Variants in HS3ST5 observed in about 807,000 individuals in gnomAD.
The protein encoded by HS3ST5 is heparan sulfate-glucosamine 3-sulfotransferase 5, also known as heparan sulfate glucosamine 3-O-sulfotransferase 5.
HS3ST5 carries 10 observed loss-of-function variants against 25.4 expected under a neutral mutation model. The ratio of observed to expected loss-of-function variants is 0.39; its 90% CI spans 0.24 to 0.67. HS3ST5 has a LOEUF of 0.67. HS3ST5 is among the 30% of genes least tolerant of loss of function. The probability of loss-of-function intolerance (pLI) is 0.44; values close to 1 mark genes in which losing one functional copy is unlikely to be tolerated. For missense variants in HS3ST5, 324 were observed against 420.7 expected, an observed-to-expected ratio of 0.77 and a Z score of 2.01; for synonymous variants, 170 against 162.4, an observed-to-expected ratio of 1.05 and a Z score of -0.36.
intron 1 of HS3ST5, among the ~76,000 whole-genome samples, chr6:114,317,933 C>T (rs1387534045): frequency 6.6e-6 from 1 of 152,100 alleles, no homozygotes; most frequent in Non-Finnish European, 1.5e-5. Flanking sequence ...GGATGTCCTC[C>T]TTAACATCAC....
chr6:114,210,230 G>C (rs1280974935), intron 2 of HS3ST5, among the ~76,000 whole-genome samples: 1 of 152,140 alleles, frequency 6.6e-6, no homozygotes, highest in African/African-American at 2.4e-5. Flanking sequence ...CCATTCATCT[G>C]TGTGCCCCTC....
At chr6:114,260,353 T>C (rs1282165558) in intron 1 of HS3ST5, among the ~76,000 whole-genome samples, 2 of 152,190 alleles carry the variant, frequency 1.3e-5, no homozygotes, top group Non-Finnish European at 2.9e-5. Context: ...AATTACTGTA[T>C]AAAAATTACA....
At chr6:114,108,362 GTGTAAGTTGCT>G (rs1235692386) in intron 3 of HS3ST5, among the ~76,000 whole-genome samples, 1 of 152,110 alleles carries the variant, frequency 6.6e-6, no homozygotes, top group African/African-American at 2.4e-5. Flanking sequence ...TGCAGCACTG[GTGTAAGTTGCT>G]TGAAATCCAC....
intron 2 of HS3ST5, among the ~76,000 whole-genome samples, chr6:114,214,904 C>T (rs567066677): frequency 6.6e-6 from 1 of 152,276 alleles, no homozygotes; most frequent in East Asian, 1.9e-4. Context: ...CAATAGACCT[C>T]ATGTATCCTG....
At chr6:114,116,142 AGAAGAAAACC>A (rs1306848886) in intron 3 of HS3ST5, 1 of 152,148 alleles carries the variant, frequency 6.6e-6, no homozygotes, top group African/African-American at 2.4e-5. Context: ...TGGCGTTCTC[AGAAGAAAACC>A]AAATGAGATC....
At chr6:114,341,793 G>GCTCC (rs1776889909) in intron 1 of HS3ST5, among the ~76,000 whole-genome samples, 1 of 152,064 alleles carries the variant, frequency 6.6e-6, no homozygotes, top group Admixed American at 6.5e-5. Flanking sequence ...GCTCCAAACA[G>GCTCC]CTCCACAGCC....
chr6:114,193,359 A>T (rs1716338832), intron 2 of HS3ST5, among the ~76,000 whole-genome samples: 2 of 152,208 alleles, frequency 1.3e-5, no homozygotes, highest in African/African-American at 4.8e-5. Context: ...ATTTTGAAGG[A>T]TATGTAGCAA....
At chr6:114,215,382 C>A (rs1781706546) in intron 2 of HS3ST5, among the ~76,000 whole-genome samples, 1 of 152,014 alleles carries the variant, frequency 6.6e-6, no homozygotes, top group African/African-American at 2.4e-5. Flanking sequence ...TGCATGGGAC[C>A]CCGAACCCTG....
chr6:114,219,637 T>G (rs1350251645), intron 2 of HS3ST5, among the ~76,000 whole-genome samples: 1 of 152,178 alleles, frequency 6.6e-6, no homozygotes, highest in Non-Finnish European at 1.5e-5. Flanking sequence ...CTTTGTATTT[T>G]TTAAGCATTT....
chr6:114,080,245 A>T (rs563099134), intron 3 of HS3ST5, among the ~76,000 whole-genome samples: 1 of 152,238 alleles, frequency 6.6e-6, no homozygotes. Context: ...GTCAGTGAAC[A>T]GTAATCTTTT....
chr6:114,131,958 T>C (rs926406299), intron 3 of HS3ST5: 1 of 152,184 alleles, frequency 6.6e-6, no homozygotes, highest in Non-Finnish European at 1.5e-5. Context: ...AATATGTTTT[T>C]CCTTCAATTT....
intron 3 of HS3ST5, among the ~76,000 whole-genome samples, chr6:114,145,878 A>C (rs928899188): frequency 6.6e-6 from 1 of 152,130 alleles, no homozygotes; most frequent in Admixed American, 6.5e-5. Context: ...GAATTTAAAG[A>C]ATTTGTGGTA....
intron 3 of HS3ST5, among the ~76,000 whole-genome samples, chr6:114,105,212 G>C (rs148981402): frequency 6.6e-6 from 1 of 152,166 alleles, no homozygotes. Flanking sequence ...CTTCAGGAGC[G>C]CTGAAAAGTG....
At chr6:114,079,947 G>GTT (rs544891113) in intron 3 of HS3ST5, among the ~76,000 whole-genome samples, 5 of 150,090 alleles carry the variant, frequency 3.3e-5, no homozygotes, top group African/African-American at 1.2e-4. Context: ...GGCTAATTTT[G>GTT]TTTTTTTTTA....
intron 2 of HS3ST5, among the ~76,000 whole-genome samples, chr6:114,190,176 T>C (rs1466921311): frequency 6.6e-6 from 1 of 152,184 alleles, no homozygotes; most frequent in Non-Finnish European, 1.5e-5. Context: ...AAAACTTCAG[T>C]TTCCCAGCTA....
At chr6:114,152,680 C>T (rs1257481521) in intron 3 of HS3ST5, among the ~76,000 whole-genome samples, 1 of 152,122 alleles carries the variant, frequency 6.6e-6, no homozygotes, top group East Asian at 1.9e-4. Context: ...TTAGAGGGGC[C>T]AGCGCTGGCT....
At chr6:114,146,628 T>C (rs1778175431) in intron 3 of HS3ST5, among the ~76,000 whole-genome samples, 1 of 152,158 alleles carries the variant, frequency 6.6e-6, no homozygotes, top group African/African-American at 2.4e-5. Context: ...CCTGCCCAAA[T>C]CTCATGTTGA....
At position 114,105,158 on chromosome 6, in the gene HS3ST5, T is replaced by C. The variant is rs1361138169; in HGVS notation, c.-32-42281A>G. On this transcript the variant is annotated intron_variant, in intron 3 of 4. Transcript: ENST00000312719. ...ACACTTTTGCTTGCTAGAGGAAAAA[T>C]ACATTAGGAAAAAGAAGGCAGCAGC... 9.2e-5 allele frequency among the ~76,000 whole-genome samples: 14 copies of C among 152,104 alleles called. 1 individual carries two copies. Among genetic ancestry groups the C allele is most frequent in the Admixed American group, 5.9e-4 (9 of 15,270 alleles).
intron 2 of HS3ST5, among the ~76,000 whole-genome samples, chr6:114,177,271 G>A (rs1779764235): frequency 6.6e-6 from 1 of 152,136 alleles, no homozygotes. Flanking sequence ...GAAGAACAAT[G>A]GAAACATACA....
Sources: allele counts gnomAD v4.1 joint callset (sites outside exome capture counted in the v4.1 genomes callset), GRCh38; gene constraint gnomAD v4.1.1; transcripts MANE v1.5; gene names NCBI Gene and HGNC (gene_info 2026-07-23, HGNC 2026-07-21).